The following NCKAP5 variants were observed in gnomAD, a reference collection of about 807,000 sequenced individuals.
NCKAP5 encodes the protein nck-associated protein 5.
Under a neutral mutation model 167.0 loss-of-function variants are expected in NCKAP5, and 92 were observed. The ratio of observed to expected loss-of-function variants is 0.55; its 90% CI spans 0.47 to 0.66. The LOEUF is 0.66. Ranked by LOEUF, NCKAP5 falls within the 30% of genes least tolerant of loss-of-function variation. The probability of loss-of-function intolerance (pLI) is 0.00; values close to 1 mark genes in which losing one functional copy is unlikely to be tolerated. For missense variants in NCKAP5, 2,378 were observed against 2,315.0 expected (o/e 1.03, Z -0.56); for synonymous variants, 891 against 877.4 (o/e 1.02, Z -0.27).
At chr2:132,958,672 T>TTC in intron 8 of NCKAP5, among the ~76,000 whole-genome samples, 1 of 152,340 alleles carries the variant, frequency 6.6e-6, no homozygotes, top group East Asian at 1.9e-4. Flanking sequence ...TTCCTTGGAC[T>TTC]TGCCAAGCTT....
intron 7 of NCKAP5, among the ~76,000 whole-genome samples, chr2:132,970,604 A>G (rs2076802384): frequency 6.6e-6 from 1 of 152,224 alleles, no homozygotes; most frequent in African/African-American, 2.4e-5. Flanking sequence ...TTAGGAGCTC[A>G]GTTTGCATCG....
At chr2:132,910,753 G>T (rs1301910639) in intron 8 of NCKAP5, among the ~76,000 whole-genome samples, 1 of 152,028 alleles carries the variant, frequency 6.6e-6, no homozygotes, top group Non-Finnish European at 1.5e-5. Context: ...AAATACAAAA[G>T]AATATTTTAA....
intron 3 of NCKAP5, among the ~76,000 whole-genome samples, chr2:133,467,703 A>C (rs1314922760): frequency 6.7e-6 from 1 of 148,856 alleles, no homozygotes; most frequent in African/African-American, 2.5e-5. Flanking sequence ...TTATTGGTCT[A>C]TTCAGAGATT....
chr2:133,512,454 C>T (rs1683574635), intron 3 of NCKAP5, among the ~76,000 whole-genome samples: 2 of 152,172 alleles, frequency 1.3e-5, no homozygotes, highest in Non-Finnish European at 2.9e-5. Context: ...TAGTGCCTGT[C>T]TTTGTAATTA....
chr2:132,681,142 C>A (rs977199826), intron 19 of NCKAP5, among the ~76,000 whole-genome samples: 1 of 151,896 alleles, frequency 6.6e-6, no homozygotes, highest in Non-Finnish European at 1.5e-5. Flanking sequence ...TTTCTTCTAG[C>A]ACAGTAATAT....
At chr2:133,638,460 A>C in the NCKAP5 span, among the ~76,000 whole-genome samples, 1 of 152,222 alleles carries the variant, frequency 6.6e-6, no homozygotes, top group African/African-American at 2.4e-5. Flanking sequence ...GAATTAAAAC[A>C]AAACACATAG....
intron 3 of NCKAP5, among the ~76,000 whole-genome samples, chr2:133,458,801 C>T (rs1193524766): frequency 1.3e-5 from 2 of 152,064 alleles, no homozygotes; most frequent in Admixed American, 6.6e-5. Flanking sequence ...GGAACACAGG[C>T]ACAAGCCACA....
At chr2:133,193,398 TG>T (rs753720617) in intron 5 of NCKAP5, among the ~76,000 whole-genome samples, 35 of 152,144 alleles carry the variant, frequency 2.3e-4, no homozygotes, top group South Asian at 1.7e-3. Flanking sequence ...GGGAGGAAAT[TG>T]GGTAAAGGGT....
intron 6 of NCKAP5, among the ~76,000 whole-genome samples, chr2:133,073,203 T>G (rs1301829758): frequency 6.6e-6 from 1 of 152,122 alleles, no homozygotes; most frequent in African/African-American, 2.4e-5. Context: ...GGGGTGTCTG[T>G]AGGCTAGAGT....
Position 132,744,076 on chromosome 2 carries a change from C to G in NCKAP5, c.5129-12025G>C, listed in dbSNP as rs535354668. Among the ~76,000 whole-genome samples the G allele has an allele frequency of 1.5e-3, 223 of 151,660 alleles. 1 individual carries two copies. Among genetic ancestry groups the G allele is most frequent in the Admixed American group, 0.014 (214 of 15,218 alleles). On this transcript the variant is annotated intron_variant, in intron 16 of 19. Coordinates refer to ENST00000409261, the MANE Select transcript of NCKAP5 (RefSeq NM_207363.3). ...TGACAGAACTTAAAAGAGAAAATGTCAGATCTAAAATTAAAATGAAAAGTC... is the reference window on the plus strand; with the variant it reads ...TGACAGAACTTAAAAGAGAAAATGTGAGATCTAAAATTAAAATGAAAAGTC...
At chr2:133,637,476 C>CAAAAAAAAA in the NCKAP5 span, among the ~76,000 whole-genome samples, 14 of 31,670 alleles carry the variant, frequency 4.4e-4, no homozygotes, top group African/African-American at 1.9e-3. Flanking sequence ...TGGTATTTTC[C>CAAAAAAAAA]AAAAAAAAAA....
intron 4 of NCKAP5, among the ~76,000 whole-genome samples, chr2:133,248,726 G>A (rs988714198): frequency 1.3e-5 from 2 of 152,158 alleles, no homozygotes; most frequent in Admixed American, 6.6e-5. Context: ...ATAATTCATG[G>A]TTTTACAGGG....
intron 6 of NCKAP5, among the ~76,000 whole-genome samples, chr2:133,083,397 G>A (rs2080878068): frequency 6.6e-6 from 1 of 152,104 alleles, no homozygotes; most frequent in African/African-American, 2.4e-5. Context: ...AGTAATCAGG[G>A]GTGTGCTGGG....
At chr2:133,462,249 T>C (rs918289277) in intron 3 of NCKAP5, among the ~76,000 whole-genome samples, 10 of 152,188 alleles carry the variant, frequency 6.6e-5, no homozygotes, top group South Asian at 4.1e-4. Flanking sequence ...CTCACCTTCA[T>C]TGGGCTCTGA....
In NCKAP5 at chr2:133,178,563, C is replaced by T. The variant is rs1982107; in HGVS notation, c.207+35153G>A. ...AAAAAAGGCCAGGCGCATTGGCTCACGCCTGTAATCCCAGAACTTTGGGAG... is the reference window on the plus strand; with the variant it reads ...AAAAAAGGCCAGGCGCATTGGCTCATGCCTGTAATCCCAGAACTTTGGGAG... On this transcript the variant is annotated intron_variant, in intron 5 of 19. Transcript: ENST00000409261. Among the ~76,000 whole-genome samples the T allele has an allele frequency of 7.6e-3, 1,052 of 137,534 alleles. 20 individuals are homozygous for T. Among genetic ancestry groups the T allele is most frequent in the African/African-American group, 0.028 (995 of 35,670 alleles). The allele number at this position is 137,534 out of a possible 152,430, so 90.2% of individuals were successfully genotyped here. A position where few individuals can be genotyped will look rare whatever the true frequency, so the allele number is the denominator to read the frequency against.
intron 19 of NCKAP5, among the ~76,000 whole-genome samples, chr2:132,674,045 C>T (rs1684102589): frequency 1.3e-5 from 2 of 152,132 alleles, no homozygotes; most frequent in South Asian, 2.1e-4. Flanking sequence ...TGAATATATT[C>T]GGTTGCTCAG....
At chr2:133,026,562 TAA>T (rs1049222566) in intron 6 of NCKAP5, among the ~76,000 whole-genome samples, 12 of 152,158 alleles carry the variant, frequency 7.9e-5, no homozygotes, top group African/African-American at 2.9e-4. Context: ...GAACAAACCA[TAA>T]AGACTTATTG....
intron 3 of NCKAP5, among the ~76,000 whole-genome samples, chr2:133,473,297 A>G (rs1450633791): frequency 2.6e-5 from 4 of 151,798 alleles, no homozygotes. Context: ...GAGCCACTGC[A>G]CTCCAGCCTG....
intron 3 of NCKAP5, among the ~76,000 whole-genome samples, chr2:133,381,260 C>T (rs1686501296): frequency 6.6e-6 from 1 of 152,140 alleles, no homozygotes; most frequent in African/African-American, 2.4e-5. Context: ...TCATCCCACC[C>T]AAGATGCTGC....
Sources: allele counts gnomAD v4.1 joint callset (sites outside exome capture counted in the v4.1 genomes callset), GRCh38; gene constraint gnomAD v4.1.1; transcripts MANE v1.5; gene names NCBI Gene and HGNC (gene_info 2026-07-23, HGNC 2026-07-21).